RUVBL2: variants seen among roughly 807,000 people sequenced by gnomAD.
RUVBL2 encodes ruvB-like 2.
In RUVBL2, 9 loss-of-function variants were observed where a neutral mutation model predicts 57.9. The ratio of observed to expected loss-of-function variants is 0.16; its 90% CI spans 0.09 to 0.27. RUVBL2 has a LOEUF of 0.27. RUVBL2 is among the 10% of genes least tolerant of loss of function. The pLI, the probability that RUVBL2 is intolerant of heterozygous loss-of-function variation, is 1.00. For synonymous variants in RUVBL2, 278 were observed against 264.6 expected, an observed-to-expected ratio of 1.05 and a Z score of -0.49; for missense variants, 456 against 669.6, an observed-to-expected ratio of 0.68 and a Z score of 3.52.
intron 1 of RUVBL2, chr19:48,994,231 GC>G: frequency 4.0e-6 from 2 of 494,602 alleles, no homozygotes; most frequent in Non-Finnish European, 7.4e-6. Context: ...AGTCCTTGGC[GC>G]CAGTGTGTGA....
At chr19:49,004,559 T>C (rs1388146517) in intron 4 of RUVBL2, 141 bp downstream of exon 4, 1 of 833,188 alleles carries the variant, frequency 1.2e-6, no homozygotes. Flanking sequence ...TTCTTGCCCA[T>C]GGAAGAATCT....
rs773239024 is a variant in RUVBL2 at position 49,009,954 on chromosome 19, AC to A, written c.570-13del. The A allele has an allele frequency of 6.2e-6, 10 of 1,606,090 alleles. No homozygotes were observed. Among genetic ancestry groups the A allele is most frequent in the Non-Finnish European group, 6.8e-6 (8 of 1,175,164 alleles). On this transcript the variant is annotated intron_variant, in intron 7 of 14. Coordinates refer to ENST00000595090, the MANE Select transcript of RUVBL2 (RefSeq NM_006666.3). ...TTGGGCCCATTCCTTTCCTTACCCT[AC>A]CCCCCATCCCCCTGTAGGGACGTGA...
Position 49,009,959 on chromosome 19 carries a change from C to G in RUVBL2, c.570-14C>G, listed in dbSNP as rs1207241676. 35 of 1,607,886 alleles carry G rather than the reference C, an allele frequency of 2.2e-5. No individual in the cohort carries two copies. The Admixed American group carries it at 5.0e-4, about 23-fold the overall frequency. Reference sequence around the variant, plus strand: ...CCCATTCCTTTCCTTACCCTACCCCCCATCCCCCTGTAGGGACGTGATCAC... The same window carrying G: ...CCCATTCCTTTCCTTACCCTACCCCGCATCCCCCTGTAGGGACGTGATCAC... On this transcript the variant is annotated splice_polypyrimidine_tract_variant and intron_variant, in intron 7 of 14. Transcript: ENST00000595090.
Position 49,015,008 on chromosome 19 carries a change from C to G in RUVBL2, c.1122-13C>G. The G allele has an allele frequency of 6.3e-7, 1 of 1,588,852 alleles. No homozygotes were observed. Among genetic ancestry groups the G allele is most frequent in the Non-Finnish European group, 8.6e-7 (1 of 1,168,736 alleles). On this transcript the variant is annotated splice_polypyrimidine_tract_variant and intron_variant, in intron 12 of 14. Coordinates refer to ENST00000595090, the MANE Select transcript of RUVBL2 (RefSeq NM_006666.3). The stretch of plus-strand genomic sequence containing the variant: ...GCCCCGGCTGAGCCACCCCTGTCCC[C>G]CACTGCTTGCAGGTGCGAGGAAGAA...
intron 6 of RUVBL2, among the ~76,000 whole-genome samples, chr19:49,008,118 G>A (rs2039321246): frequency 6.7e-6 from 1 of 150,152 alleles, no homozygotes; most frequent in African/African-American, 2.4e-5. Flanking sequence ...GTATAAAATA[G>A]GAATGTCAAA....
intron 4 of RUVBL2, among the ~76,000 whole-genome samples, chr19:49,004,875 TTAAA>T (rs1240348574): frequency 6.6e-6 from 1 of 152,068 alleles, no homozygotes; most frequent in Non-Finnish European, 1.5e-5. Flanking sequence ...GGCTGGCACA[TTAAA>T]TGTTTTTTAA....
At chr19:48,998,494 A>T (rs2039108874) in intron 1 of RUVBL2, among the ~76,000 whole-genome samples, 1 of 151,976 alleles carries the variant, frequency 6.6e-6, no homozygotes, top group South Asian at 2.1e-4. Context: ...CAGGAGTTCG[A>T]GACCAGCCTG....
intron 2 of RUVBL2, among the ~76,000 whole-genome samples, chr19:49,000,093 C>A (rs2122588505): frequency 6.6e-6 from 1 of 152,348 alleles, no homozygotes; most frequent in South Asian, 2.1e-4. Context: ...GAGCTTAGCT[C>A]TGCCACTTTC....
intron 11 of RUVBL2, 93 bp from the exon 12 acceptor site, chr19:49,014,391 A>G (rs1246487643): frequency 4.1e-6 from 6 of 1,475,764 alleles, no homozygotes; most frequent in Non-Finnish European, 5.5e-6. Flanking sequence ...GGGCCCAGTG[A>G]GTGGGTGGCG....
At chr19:49,009,621 G>A (rs1416439682) in intron 6 of RUVBL2, among the ~76,000 whole-genome samples, 155 bp from the exon 7 acceptor site, 2 of 152,202 alleles carry the variant, frequency 1.3e-5, no homozygotes, top group Non-Finnish European at 2.9e-5. Flanking sequence ...TGAGCGCACC[G>A]TATGTCTTCC....
intron 6 of RUVBL2, 27 bp from the exon 7 acceptor site, chr19:49,009,749 C>T: frequency 6.2e-7 from 1 of 1,600,706 alleles, no homozygotes; most frequent in Non-Finnish European, 8.6e-7. Flanking sequence ...TCTCTGAGCC[C>T]CATCCCTGGC....
At chr19:49,002,903 T>C (rs2039212164) in intron 2 of RUVBL2, among the ~76,000 whole-genome samples, 1 of 152,206 alleles carries the variant, frequency 6.6e-6, no homozygotes, top group Non-Finnish European at 1.5e-5. Context: ...GGCTCTTTTT[T>C]TGCAGGATCA....
intron 2 of RUVBL2, among the ~76,000 whole-genome samples, chr19:49,002,139 C>T (rs1055508045): frequency 6.6e-6 from 1 of 151,976 alleles, no homozygotes; most frequent in Non-Finnish European, 1.5e-5. Flanking sequence ...ACCTCCACCT[C>T]CCTGGTTTAA....
chr19:48,994,580 T>C (rs1345772567), intron 1 of RUVBL2: 1 of 152,392 alleles, frequency 6.6e-6, no homozygotes, highest in African/African-American at 2.4e-5. Flanking sequence ...TGAATACATG[T>C]GAATGAAGGA....
At chr19:48,997,047 T>G (rs1475449453) in intron 1 of RUVBL2, among the ~76,000 whole-genome samples, 1 of 152,004 alleles carries the variant, frequency 6.6e-6, no homozygotes, top group South Asian at 2.1e-4. Context: ...TACAGCTCAG[T>G]GTTTTCTAGT....
chr19:49,013,254 G>A (rs760381968), intron 11 of RUVBL2, among the ~76,000 whole-genome samples: 79 of 150,722 alleles, frequency 5.2e-4, no homozygotes, highest in Non-Finnish European at 6.6e-4. Flanking sequence ...GAGTCACCGC[G>A]TCCGGCCTAA....
intron 6 of RUVBL2, 76 bp from the exon 7 acceptor site, chr19:49,009,700 C>T (rs1208160042): frequency 1.6e-6 from 2 of 1,275,668 alleles, no homozygotes; most frequent in Admixed American, 1.7e-5. Context: ...GAGCCAGAAG[C>T]TTATCAACAC....
chr19:49,004,082 C>T, intron 3 of RUVBL2, 195 bp from the exon 4 acceptor site: 1 of 674,728 alleles, frequency 1.5e-6, no homozygotes, highest in Non-Finnish European at 2.3e-6. Context: ...TACCACTGTA[C>T]TTCAGCCTGG....
chr19:49,007,000 A>G lies in RUVBL2; in HGVS notation c.266-18A>G. 6.2e-7 allele frequency: 1 copy of G among 1,611,874 alleles called. No homozygotes were observed. Among genetic ancestry groups the G allele is most frequent in the South Asian group, 1.1e-5 (1 of 91,052 alleles). Reference sequence around the variant, plus strand: ...GGTGCCAGAGCGGCTTCACCTACACAGACTGCCTCCTTCCCAGGCATGGCG... The same window carrying G: ...GGTGCCAGAGCGGCTTCACCTACACGGACTGCCTCCTTCCCAGGCATGGCG... On this transcript the variant is annotated intron_variant, in intron 4 of 14. Transcript: ENST00000595090.
Sources: gnomAD v4.1 joint callset for allele counts (sites outside exome capture counted in the v4.1 genomes callset) on GRCh38, gnomAD v4.1.1 for gene constraint, MANE v1.5 for transcripts, NCBI Gene and HGNC (gene_info 2026-07-23, HGNC 2026-07-21) for gene names.